The following MGST1 variants were observed in gnomAD, a reference collection of about 807,000 sequenced individuals.
MGST1 encodes the protein microsomal glutathione S-transferase 1, also known as glutathione S-transferase 12.
MGST1 carries 5 observed loss-of-function variants against 8.9 expected under a neutral mutation model. The observed-to-expected ratio is 0.56, with a 90% CI of 0.29 to 1.19. The LOEUF (loss-of-function observed/expected upper bound fraction) is 1.19, where lower values mean the gene tolerates loss of function less well. Among genes scored for constraint, MGST1 ranks in the 50% most tolerant of loss-of-function variants. MGST1 has a pLI of 0.08. For synonymous variants in MGST1, 54 were observed against 67.8 expected, an observed-to-expected ratio of 0.80 and a Z score of 1.00; for missense variants, 182 against 187.4, an observed-to-expected ratio of 0.97 and a Z score of 0.17.
rs1382575120 is a variant in MGST1 at position 16,586,550 on chromosome 12, A to G, written n.483-2978A>G. Among the ~76,000 whole-genome samples the G allele has an allele frequency of 6.6e-6, 1 of 152,162 alleles. No homozygotes were observed. Among genetic ancestry groups the G allele is most frequent in the Non-Finnish European group, 1.5e-5 (1 of 68,034 alleles). On this transcript the variant is annotated intron_variant and non_coding_transcript_variant, in intron 4 of 4. Coordinates refer to the MGST1 transcript ENST00000538857. This position sits in a 1 kb window ranked among gnomAD's most constrained non-coding sequence, Gnocchi z 4.3. Reference sequence around the variant, plus strand: ...GTATAATATTGTCAGATTCAGGCCAACTGAATTCTGGAGGACATATGCAAA... The same window carrying G: ...GTATAATATTGTCAGATTCAGGCCAGCTGAATTCTGGAGGACATATGCAAA...
At chr12:16,574,392 T>G (rs779839886) in intron 4 of MGST1, among the ~76,000 whole-genome samples, 23 of 152,126 alleles carry the variant, frequency 1.5e-4, no homozygotes, top group Non-Finnish European at 3.4e-4. Context: ...TTTTGAACTT[T>G]GAGTCCCCAG....
rs565286002 is a variant in MGST1, at chr12:16,571,628, A to G, written n.483-17900A>G. Among the ~76,000 whole-genome samples, 4 of 152,162 alleles carry G rather than the reference A, an allele frequency of 2.6e-5. No individual in the cohort carries two copies. In the East Asian group the frequency reaches 7.7e-4, roughly 29 times the overall value. On this transcript the variant is annotated intron_variant and non_coding_transcript_variant, in intron 4 of 4. Transcript: ENST00000538857. ...GGGTAGAAAATTATATGGCAACCCT[A>G]GTAATAGCCAAAGAGCAATGAGAAC...
intron 1 of MGST1, among the ~76,000 whole-genome samples, chr12:16,418,536 C>T (rs914472815): frequency 3.3e-5 from 5 of 152,180 alleles, no homozygotes; most frequent in African/African-American, 4.8e-5. Context: ...GAACCAAACT[C>T]AGTTCCCTCA....
At chr12:16,422,526 G>A (rs1457607941) in intron 1 of MGST1, among the ~76,000 whole-genome samples, 2 of 152,116 alleles carry the variant, frequency 1.3e-5, no homozygotes, top group African/African-American at 4.8e-5. Context: ...GTGAGATGAG[G>A]TGCAATTTTG....
chr12:16,441,967 C>A (rs544119252), downstream of MGST1, among the ~76,000 whole-genome samples: 1 of 151,966 alleles, frequency 6.6e-6, no homozygotes, highest in South Asian at 2.1e-4. Context: ...ACATCCCCAG[C>A]AGCATTTGGT....
chr12:16,480,123 AAAAT>A (rs1419558302), intron 4 of MGST1, among the ~76,000 whole-genome samples: 1 of 152,006 alleles, frequency 6.6e-6, no homozygotes, highest in African/African-American at 2.4e-5. Context: ...GGATTTCATT[AAAAT>A]AAAATAAAAA....
At chr12:16,354,661 T>G (rs933327235) in intron 2 of MGST1, 3 of 208,240 alleles carry the variant, frequency 1.4e-5, no homozygotes, top group Non-Finnish European at 1.9e-5. Flanking sequence ...CACGGAAACT[T>G]TCTTTCATTT....
rs1555104768 is a variant in MGST1 at position 16,454,902 on chromosome 12, A to AAAAAAAAAAG, written n.482+71300_482+71301insAAAAAAAGAA. 6.1e-4 allele frequency among the ~76,000 whole-genome samples: 77 copies of AAAAAAAAAAG among 125,988 alleles called. 10 individuals are homozygous for AAAAAAAAAAG. The highest frequency in any genetic ancestry group is 2.3e-3 in the African/African-American group (70 of 30,922). 82.7% of individuals were successfully genotyped at this position (125,988 alleles called of 152,430 possible). ...AAAAAAAAAAAAAAAAAAAAAAAAAAAAGGAGATGGGAAGATTTGAGGAGA... is the reference window on the plus strand; with the variant it reads ...AAAAAAAAAAAAAAAAAAAAAAAAAAAAAAAAAAAGAAGGAGATGGGAAGATTTGAGGAGA... On this transcript the variant is annotated intron_variant and non_coding_transcript_variant, in intron 4 of 4. Coordinates refer to the MGST1 transcript ENST00000538857.
At chr12:16,556,342 A>T (rs746098418) in intron 4 of MGST1, among the ~76,000 whole-genome samples, 4 of 152,212 alleles carry the variant, frequency 2.6e-5, no homozygotes, top group African/African-American at 4.8e-5. Context: ...TACCTTTTAA[A>T]ATAGAGAAAC....
downstream of MGST1, among the ~76,000 whole-genome samples, chr12:16,591,235 A>G (rs189987219): frequency 1.9e-4 from 29 of 152,034 alleles, no homozygotes; most frequent in East Asian, 3.9e-3. This position sits in a 1 kb window ranked among gnomAD's most constrained non-coding sequence, Gnocchi z 4.1. Flanking sequence ...TCCTTCAAAC[A>G]TATGAGAAAA....
chr12:16,423,448 G>T (rs1940859068), intron 1 of MGST1, among the ~76,000 whole-genome samples: 1 of 146,746 alleles, frequency 6.8e-6, no homozygotes, highest in Non-Finnish European at 1.5e-5. Context: ...AATTCTTGTT[G>T]TCCATGCTTA....
intron 4 of MGST1, among the ~76,000 whole-genome samples, chr12:16,542,535 C>G (rs1941798790): frequency 6.6e-6 from 1 of 152,128 alleles, no homozygotes; most frequent in Non-Finnish European, 1.5e-5. Flanking sequence ...GTAAAATTCT[C>G]AAATCTCAGA....
chr12:16,395,001 T>A (rs1402910399), intron 1 of MGST1, among the ~76,000 whole-genome samples: 1 of 152,078 alleles, frequency 6.6e-6, no homozygotes, highest in Non-Finnish European at 1.5e-5. Context: ...GACAGCTTGT[T>A]TTTTCACATG....
At chr12:16,518,984 A>G (rs1941632457) in intron 4 of MGST1, among the ~76,000 whole-genome samples, 1 of 152,212 alleles carries the variant, frequency 6.6e-6, no homozygotes, top group South Asian at 2.1e-4. Context: ...ATACAATGTA[A>G]TTCAAAGTAA....
In MGST1 at chr12:16,401,756, T is replaced by C. The variant is rs1316388610; in HGVS notation, n.778+18152T>C. The C allele has an allele frequency of 6.2e-7, 1 of 1,600,106 alleles. No homozygotes were observed. On this transcript the variant is annotated intron_variant and non_coding_transcript_variant, in intron 1 of 1. Coordinates refer to the MGST1 transcript ENST00000359720. This position sits in a 1 kb window ranked among gnomAD's most constrained non-coding sequence, Gnocchi z 4.3. ...GGTATTTTTTCTCTTCAACGGCCTT[T>C]TCCACAGACTCAGCCAGTTTGCTGT...
Position 16,389,731 on chromosome 12 carries a change from G to A in MGST1, n.778+6127G>A, listed in dbSNP as rs1940533875. 6.6e-6 allele frequency among the ~76,000 whole-genome samples: 1 copy of A among 152,066 alleles called. No individual in the cohort carries two copies. ...GCTGACTCATTGGGGTTTGAAGTAT[G>A]AACACGTGTTTAGTGAGCAATATTG... On this transcript the variant is annotated intron_variant and non_coding_transcript_variant, in intron 1 of 1. Transcript: ENST00000359720. This position sits in a 1 kb window ranked among gnomAD's most constrained non-coding sequence, Gnocchi z 4.6.
Position 16,537,413 on chromosome 12 carries a change from T to C in MGST1, n.483-52115T>C, listed in dbSNP as rs555131290. On this transcript the variant is annotated intron_variant and non_coding_transcript_variant, in intron 4 of 4. Transcript: ENST00000538857. This position sits in a 1 kb window ranked among gnomAD's most constrained non-coding sequence, Gnocchi z 4.6. ...GTAGCATGGTGCAAGCTGTGGGATC[T>C]ACCATTCTGGGATCTGGAGCATGGT... 5.9e-5 allele frequency among the ~76,000 whole-genome samples: 9 copies of C among 152,312 alleles called. No individual in the cohort carries two copies. The East Asian group carries it at 1.7e-3, about 29-fold the overall frequency.
downstream of MGST1, among the ~76,000 whole-genome samples, chr12:16,441,271 C>T (rs1233614950): frequency 6.6e-6 from 1 of 151,796 alleles, no homozygotes; most frequent in Non-Finnish European, 1.5e-5. Context: ...GCATAACCTC[C>T]TCTGCTATCA....
intron 1 of MGST1, among the ~76,000 whole-genome samples, chr12:16,395,804 T>TATATATATATATATATATATATACAC (rs1338860243): frequency 8.1e-6 from 1 of 123,694 alleles, no homozygotes; most frequent in Admixed American, 8.2e-5. Context: ...TATATATATA[T>TATATATATATATATATATATATACAC]ACACACACAC....
Sources: gnomAD v4.1 joint callset for allele counts (sites outside exome capture counted in the v4.1 genomes callset) on GRCh38, gnomAD v4.1.1 for gene constraint, Gnocchi (gnomAD v3.1) non-coding constraint, MANE v1.5 for transcripts, NCBI Gene and HGNC (gene_info 2026-07-23, HGNC 2026-07-21) for gene names.